CLASP1: variants seen among roughly 807,000 people sequenced by gnomAD.
The protein encoded by CLASP1 is CLIP-associating protein 1.
In CLASP1, 38 loss-of-function variants were observed where a neutral mutation model predicts 192.3. The observed-to-expected ratio is 0.20, with a 90% CI of 0.15 to 0.26. The LOEUF (loss-of-function observed/expected upper bound fraction) is 0.26. Ranked by LOEUF, CLASP1 falls within the 10% of genes least tolerant of loss-of-function variation. CLASP1 has a pLI of 1.00. For missense variants in CLASP1, 1,433 were observed against 1,932.5 expected (o/e 0.74, Z 4.85); for synonymous variants, 691 against 712.8 (o/e 0.97, Z 0.49).
rs372239565 is a variant in CLASP1, at chr2:121,646,994, C to A, written c.-286+2378G>T. Among the ~76,000 whole-genome samples the A allele has an allele frequency of 7.5e-5, 11 of 147,002 alleles. No individual in the cohort carries two copies. The South Asian group carries it at 2.0e-3, about 26-fold the overall frequency. On this transcript the variant is annotated intron_variant, in intron 1 of 39. Transcript: ENST00000263710. ...GGCGGAGCTTGCAGTGAGCCCAGAT[C>A]GCGCCACTGCATTCCAGCCTGGGTA...
At chr2:121,396,935 G>A (rs1277223094) in intron 30 of CLASP1, among the ~76,000 whole-genome samples, 1 of 152,182 alleles carries the variant, frequency 6.6e-6, no homozygotes, top group Non-Finnish European at 1.5e-5. Flanking sequence ...GATGCCTGGG[G>A]AAACCATAAG....
intron 8 of CLASP1, among the ~76,000 whole-genome samples, chr2:121,472,473 AAGCTATACAATCACCCC>A (rs1215263499): frequency 6.6e-6 from 1 of 152,234 alleles, no homozygotes; most frequent in Non-Finnish European, 1.5e-5. Flanking sequence ...CAAACAAGGC[AAGCTATACAATCACCCC>A]AACTTTCTGC....
At chr2:121,459,226 C>A (rs1175911247) in intron 12 of CLASP1, among the ~76,000 whole-genome samples, 1 of 151,808 alleles carries the variant, frequency 6.6e-6, no homozygotes. Context: ...CAGGATCTCA[C>A]TACCTTGCCC....
intron 8 of CLASP1, chr2:121,470,392 C>T: frequency 4.5e-6 from 2 of 445,288 alleles, no homozygotes; most frequent in South Asian, 3.2e-5. Flanking sequence ...CAGGCATGAG[C>T]CACTGTACTT....
rs551130065 is a variant in CLASP1, at chr2:121,457,522, C to T, written c.1385+165G>A. On this transcript the variant is annotated intron_variant, in intron 14 of 39. Coordinates refer to ENST00000263710, the Ensembl canonical transcript of CLASP1. ...AATAGAGGTTGTCCACATTCATTTC[C>T]CAAAATATTTAGATCTTGATTCTTC... Among the ~76,000 whole-genome samples the T allele has an allele frequency of 3.7e-4, 56 of 151,716 alleles. No individual in the cohort carries two copies. The South Asian group carries it at 5.8e-3, about 16-fold the overall frequency.
chr2:121,478,910 C>CA (rs2092248356), intron 8 of CLASP1, among the ~76,000 whole-genome samples: 1 of 22,716 alleles, frequency 4.4e-5, no homozygotes, highest in African/African-American at 3.0e-4. Flanking sequence ...CCACACCACA[C>CA]ACACCACACA....
At chr2:121,589,934 T>C (rs2062190353) in intron 2 of CLASP1, among the ~76,000 whole-genome samples, 1 of 152,124 alleles carries the variant, frequency 6.6e-6, no homozygotes, top group Admixed American at 6.6e-5. Context: ...GTCTTCCTCC[T>C]CCTTCATATA....
chr2:121,355,232 A>G (rs1249245354), intron 37 of CLASP1, among the ~76,000 whole-genome samples: 1 of 152,014 alleles, frequency 6.6e-6, no homozygotes, highest in East Asian at 1.9e-4. Flanking sequence ...GGTTCAAGCG[A>G]TTCTCCTGCC....
exon 8 of CLASP1, chr2:121,503,169 T>C (rs1228078016): frequency 6.5e-7 from 1 of 1,546,506 alleles, no homozygotes; most frequent in Admixed American, 2.0e-5. Flanking sequence ...CTACTCACCA[T>C]TTGCAGATTG....
intron 2 of CLASP1, chr2:121,531,087 T>TAG (rs769849572): frequency 4.5e-6 from 3 of 669,504 alleles, no homozygotes; most frequent in Non-Finnish European, 8.3e-6. Context: ...GTTAAACCAG[T>TAG]AGAGGGTGCA....
intron 2 of CLASP1, among the ~76,000 whole-genome samples, chr2:121,569,476 GTTT>G: frequency 6.6e-6 from 1 of 152,338 alleles, no homozygotes; most frequent in Non-Finnish European, 1.5e-5. Flanking sequence ...TAAAGTAAAT[GTTT>G]TAATTTTATT....
intron 37 of CLASP1, among the ~76,000 whole-genome samples, chr2:121,350,949 A>G (rs1400708618): frequency 6.6e-6 from 1 of 152,224 alleles, no homozygotes; most frequent in Non-Finnish European, 1.5e-5. Context: ...TACCATTACA[A>G]TATAACCTTT....
At chr2:121,440,502 C>A (rs1329274977) in intron 19 of CLASP1, among the ~76,000 whole-genome samples, 2 of 152,160 alleles carry the variant, frequency 1.3e-5, no homozygotes, top group African/African-American at 4.8e-5. Context: ...GAGTTCGAGA[C>A]CATCCTGGGC....
At chr2:121,535,076 A>G (rs2095017089) in intron 2 of CLASP1, among the ~76,000 whole-genome samples, 1 of 152,174 alleles carries the variant, frequency 6.6e-6, no homozygotes, top group Non-Finnish European at 1.5e-5. Flanking sequence ...TTAGGAGTTC[A>G]AGACTAGCCT....
intron 15 of CLASP1, among the ~76,000 whole-genome samples, 196 bp downstream of exon 15, chr2:121,451,594 G>GT (rs1156363285): frequency 6.6e-6 from 1 of 152,208 alleles, no homozygotes; most frequent in Non-Finnish European, 1.5e-5. Context: ...GGACATAGTA[G>GT]TATTTCAACC....
chr2:121,370,050 C>T (rs1165989799), intron 34 of CLASP1, among the ~76,000 whole-genome samples: 1 of 152,060 alleles, frequency 6.6e-6, no homozygotes, highest in Non-Finnish European at 1.5e-5. Flanking sequence ...TGATATAAGT[C>T]TGCTGTATTT....
intron 7 of CLASP1, among the ~76,000 whole-genome samples, chr2:121,514,950 G>C (rs1279968054): frequency 6.6e-6 from 1 of 152,164 alleles, no homozygotes; most frequent in East Asian, 1.9e-4. Context: ...GACAGGCTCA[G>C]ATAAGCTGCC....
chr2:121,396,113 T>A (rs181258852), intron 30 of CLASP1, among the ~76,000 whole-genome samples: 1 of 152,172 alleles, frequency 6.6e-6, no homozygotes, highest in Non-Finnish European at 1.5e-5. Context: ...GAAATCTATG[T>A]TGATTTTAAT....
chr2:121,512,873 G>A lies in CLASP1; in HGVS notation c.644+2792C>T, dbSNP rs557398662. On this transcript the variant is annotated intron_variant, in intron 7 of 39. Coordinates refer to ENST00000263710, the Ensembl canonical transcript of CLASP1. ...ACTCTCTTGGTGAACAAACCCTTAT[G>A]AAGACATTTTTAATTTAGAACTAAA... 5.9e-5 allele frequency: 9 copies of A among 152,266 alleles called. No individual in the cohort carries two copies. The South Asian group carries it at 1.9e-3, about 32-fold the overall frequency. The allele number at this position is 152,266 out of a possible 1,614,324, so 9.4% of individuals were successfully genotyped here.
Sources: gnomAD v4.1 joint callset for allele counts (sites outside exome capture counted in the v4.1 genomes callset) on GRCh38, gnomAD v4.1.1 for gene constraint, MANE v1.5 for transcripts, NCBI Gene and HGNC (gene_info 2026-07-23, HGNC 2026-07-21) for gene names.